COL21A1: variants seen among roughly 807,000 people sequenced by gnomAD.
COL21A1 encodes collagen alpha-1(XXI) chain.
Under a neutral mutation model 137.9 loss-of-function variants are expected in COL21A1, and 149 were observed. The ratio of observed to expected loss-of-function variants is 1.08; its 90% CI spans 0.95 to 1.24. The LOEUF is 1.24. Ranked by LOEUF, COL21A1 falls within the 50% of genes most tolerant of loss-of-function variation. The probability of loss-of-function intolerance (pLI) is 0.00; values close to 1 mark genes in which losing one functional copy is unlikely to be tolerated. For missense variants in COL21A1, 1,167 were observed against 1,158.4 expected (o/e 1.01, Z -0.11); for synonymous variants, 456 against 391.5 (o/e 1.16, Z -1.95).
chr6:56,075,406 G>T (rs563808612), intron 19 of COL21A1, 73 bp downstream of exon 19: 9 of 1,177,050 alleles, frequency 7.6e-6, no homozygotes, highest in Non-Finnish European at 1.1e-5. Context: ...ATGAACTCTC[G>T]AATATGAACT....
intron 1 of COL21A1, among the ~76,000 whole-genome samples, chr6:56,319,257 C>A (rs555161898): frequency 1.3e-5 from 2 of 152,224 alleles, no homozygotes; most frequent in South Asian, 4.1e-4. Flanking sequence ...GAAGTTTTCA[C>A]ACCTGTCTGG....
chr6:56,298,105 T>TTA (rs1764201010), intron 1 of COL21A1, among the ~76,000 whole-genome samples: 1 of 142,866 alleles, frequency 7.0e-6, no homozygotes, highest in Non-Finnish European at 1.5e-5. Context: ...GATGCTAAAT[T>TTA]AAAAAAAAAA....
At chr6:56,144,282 G>A (rs1343311443) in intron 10 of COL21A1, among the ~76,000 whole-genome samples, 1 of 152,190 alleles carries the variant, frequency 6.6e-6, no homozygotes, top group Non-Finnish European at 1.5e-5. Flanking sequence ...AGTTGATAGA[G>A]CCAGTGGGAA....
Position 56,212,807 on chromosome 6 carries a change from C to T in COL21A1, c.-38-30151G>A, listed in dbSNP as rs1267190307. On this transcript the variant is annotated intron_variant, in intron 1 of 29. Transcript: ENST00000244728. Reference sequence around the variant, plus strand: ...GTGAAATGCATGGTTTTCACCACAACATGTTTATATAATAGTTTATTGGAG... The same window carrying T: ...GTGAAATGCATGGTTTTCACCACAATATGTTTATATAATAGTTTATTGGAG... 1.3e-5 allele frequency among the ~76,000 whole-genome samples: 2 copies of T among 151,940 alleles called. 1 individual carries two copies. Among genetic ancestry groups the T allele is most frequent in the Admixed American group, 1.3e-4 (2 of 15,228 alleles).
chr6:56,058,204 T>C (rs1324738570), intron 29 of COL21A1, among the ~76,000 whole-genome samples: 1 of 152,182 alleles, frequency 6.6e-6, no homozygotes. Flanking sequence ...TAACAGGTGA[T>C]ACCTACGTAA....
chr6:56,132,341 A>G lies in COL21A1; in HGVS notation c.1543-6192T>C, dbSNP rs116625461. 9.9e-3 allele frequency among the ~76,000 whole-genome samples: 1,509 copies of G among 152,118 alleles called. 8 individuals are homozygous for G. Among genetic ancestry groups the G allele is most frequent in the Non-Finnish European group, 0.016 (1,115 of 67,988 alleles). On this transcript the variant is annotated intron_variant, in intron 12 of 29. Transcript: ENST00000244728. ...AACTGAAATGTGAATAGCAATTTCT[A>G]AAAAATTGAAGGAAAGATACTGAGC...
At chr6:56,211,378 C>A (rs1780166967) in intron 1 of COL21A1, among the ~76,000 whole-genome samples, 1 of 151,526 alleles carries the variant, frequency 6.6e-6, no homozygotes, top group African/African-American at 2.4e-5. Context: ...AAAAAATTAA[C>A]CCAGTTAGTC....
rs773380190 is a variant in COL21A1, at chr6:56,171,010, CT to C, written c.758del (p.Lys253ArgfsTer2). ...VKKRIQLSPK[K>X]IKGYEVTSKV... Reference sequence around the variant, plus strand: ...TTGATGTTACTTCATATCCTTTTATCTTTTTTGGTGAAAGCTGTATTCTTTT... The same window carrying C: ...TTGATGTTACTTCATATCCTTTTATCTTTTTGGTGAAAGCTGTATTCTTTT... On this transcript the variant is annotated frameshift_variant, in exon 4 of 30. Transcript: ENST00000244728. LOFTEE classifies it high-confidence loss of function. The C allele has an allele frequency of 5.6e-6, 9 of 1,607,350 alleles. No individual in the cohort carries two copies. The East Asian group carries it at 8.9e-5, about 16-fold the overall frequency.
chr6:56,232,438 A>C (rs1411732653), intron 1 of COL21A1, among the ~76,000 whole-genome samples: 4 of 151,894 alleles, frequency 2.6e-5, no homozygotes, highest in African/African-American at 9.7e-5. Flanking sequence ...GATCTCTAAA[A>C]GGGGTTATGT....
chr6:56,093,134 A>G (rs1769003292), intron 17 of COL21A1, among the ~76,000 whole-genome samples: 1 of 152,062 alleles, frequency 6.6e-6, no homozygotes, highest in Non-Finnish European at 1.5e-5. Context: ...ATATCTACAA[A>G]AGACCTTTTT....
intron 1 of COL21A1, among the ~76,000 whole-genome samples, chr6:56,381,004 G>A (rs2053395529): frequency 6.6e-6 from 1 of 151,994 alleles, no homozygotes; most frequent in Admixed American, 6.6e-5. Flanking sequence ...GTGACCAAAG[G>A]CTCTCACAGG....
chr6:56,351,377 C>T (rs921296549), intron 1 of COL21A1, among the ~76,000 whole-genome samples: 3 of 152,202 alleles, frequency 2.0e-5, no homozygotes, highest in African/African-American at 7.2e-5. Flanking sequence ...TCTTGTCTCT[C>T]CCAGCTTCTC....
intron 23 of COL21A1, among the ~76,000 whole-genome samples, chr6:56,066,708 C>T (rs1159270393): frequency 6.6e-6 from 1 of 151,732 alleles, no homozygotes. Context: ...TCCATAGACA[C>T]TTTAATTGAG....
At position 56,060,225 on chromosome 6, in the gene COL21A1, A is replaced by C; in HGVS notation, c.2408-7T>G. The C allele has an allele frequency of 6.3e-7, 1 of 1,579,734 alleles. No individual in the cohort carries two copies. The highest frequency in any genetic ancestry group is 1.2e-5 in the South Asian group (1 of 85,964). ...AGTAAGACTGGTAGCTGGGCTTTCA[A>C]AAACAAAGAAACCCCATCCCTTATG... is the stretch of plus-strand genomic sequence containing the variant. On this transcript the variant is annotated splice_polypyrimidine_tract_variant and splice_region_variant and intron_variant, in intron 27 of 29. Transcript: ENST00000244728.
intron 1 of COL21A1, among the ~76,000 whole-genome samples, chr6:56,187,472 C>T (rs964805793): frequency 3.3e-5 from 5 of 152,106 alleles, no homozygotes; most frequent in African/African-American, 1.2e-4. Context: ...AAGCATGGTA[C>T]TATATTGACA....
intron 16 of COL21A1, among the ~76,000 whole-genome samples, chr6:56,104,598 G>T (rs1385154587): frequency 6.6e-6 from 1 of 152,024 alleles, no homozygotes; most frequent in Admixed American, 6.6e-5. Flanking sequence ...TTTGGCATTT[G>T]AAAAAGTATA....
At chr6:56,081,432 ACTAT>A (rs1767756907) in intron 17 of COL21A1, among the ~76,000 whole-genome samples, 1 of 151,808 alleles carries the variant, frequency 6.6e-6, no homozygotes, top group Admixed American at 6.6e-5. Flanking sequence ...ACAGAGTAAT[ACTAT>A]CATGACTTTT....
At chr6:56,181,838 A>C (rs768930679) in intron 2 of COL21A1, among the ~76,000 whole-genome samples, 10 of 152,186 alleles carry the variant, frequency 6.6e-5, no homozygotes, top group Non-Finnish European at 1.0e-4. Flanking sequence ...CACCCAAGAA[A>C]AAAACAAAGG....
intron 1 of COL21A1, among the ~76,000 whole-genome samples, chr6:56,200,353 G>A (rs1032795866): frequency 6.6e-6 from 1 of 151,940 alleles, no homozygotes; most frequent in Non-Finnish European, 1.5e-5. Flanking sequence ...TGTGCACAAC[G>A]TGCAGGTTGG....
Sources: allele counts gnomAD v4.1 joint callset (sites outside exome capture counted in the v4.1 genomes callset), GRCh38; gene constraint gnomAD v4.1.1; transcripts MANE v1.5; gene names NCBI Gene and HGNC (gene_info 2026-07-23, HGNC 2026-07-21).